Variants in PARD3B observed in about 807,000 individuals in gnomAD.
The protein encoded by PARD3B is par-3 family cell polarity regulator beta.
PARD3B carries 103 observed loss-of-function variants against 130.2 expected under a neutral mutation model. The ratio of observed to expected loss-of-function variants is 0.79; its 90% CI spans 0.67 to 0.93. The LOEUF is 0.93. Among genes scored for constraint, PARD3B ranks in the 40% least tolerant of loss-of-function variants. The pLI is 0.00. For synonymous variants in PARD3B, 583 were observed against 553.2 expected (o/e 1.05, Z -0.76); for missense variants, 1,609 against 1,499.2 (o/e 1.07, Z -1.21).
At chr2:204,619,507 A>C (rs573146242) in intron 1 of PARD3B, among the ~76,000 whole-genome samples, 1 of 152,340 alleles carries the variant, frequency 6.6e-6, no homozygotes, top group South Asian at 2.1e-4. Context: ...TGACAAAAAT[A>C]AGAGCAAAAG....
chr2:205,384,543 A>C (rs1030679863), intron 18 of PARD3B, among the ~76,000 whole-genome samples: 1 of 152,090 alleles, frequency 6.6e-6, no homozygotes, highest in Non-Finnish European at 1.5e-5. Flanking sequence ...AGTCCACCTA[A>C]AATAATATAC....
Position 205,407,019 on chromosome 2 carries a change from T to C in PARD3B, c.2741+5896T>C, listed in dbSNP as rs1243789942. Among the ~76,000 whole-genome samples the C allele has an allele frequency of 6.6e-6, 1 of 152,188 alleles. No individual in the cohort carries two copies. Among genetic ancestry groups the C allele is most frequent in the Non-Finnish European group, 1.5e-5 (1 of 68,036 alleles). The stretch of plus-strand genomic sequence containing the variant: ...TGTCCTTAGATGATCTCTGGGGTTC[T>C]TTTCAGATATTCCAGTATGAGAAAT... On this transcript the variant is annotated intron_variant, in intron 19 of 22. Transcript: ENST00000406610. The surrounding 1 kb of genome is among the most constrained non-coding windows in gnomAD (Gnocchi z 4.1).
intron 16 of PARD3B, among the ~76,000 whole-genome samples, chr2:205,261,304 T>C (rs758917853): frequency 4.6e-5 from 7 of 151,848 alleles, no homozygotes; most frequent in Non-Finnish European, 1.5e-5. Flanking sequence ...AAATAAACCA[T>C]TGGGTTTAAT....
At chr2:205,570,673 C>T (rs979379308) in intron 22 of PARD3B, among the ~76,000 whole-genome samples, 3 of 152,160 alleles carry the variant, frequency 2.0e-5, no homozygotes, top group Admixed American at 6.5e-5. Flanking sequence ...ATCCTCCTCG[C>T]TCCCACCCAT....
At chr2:205,105,000 A>T (rs1703100326) in intron 5 of PARD3B, among the ~76,000 whole-genome samples, 1 of 152,174 alleles carries the variant, frequency 6.6e-6, no homozygotes, top group Admixed American at 6.5e-5. Flanking sequence ...CATGTTCTTA[A>T]TGAAGGCAAC....
chr2:205,204,836 G>A (rs1209552027), intron 15 of PARD3B, among the ~76,000 whole-genome samples: 1 of 152,116 alleles, frequency 6.6e-6, no homozygotes, highest in African/African-American at 2.4e-5. Flanking sequence ...GTACCATGCT[G>A]TTTTTGTTAC....
At chr2:205,594,521 G>C (rs2054501045) in intron 22 of PARD3B, among the ~76,000 whole-genome samples, 1 of 152,132 alleles carries the variant, frequency 6.6e-6, no homozygotes, top group Admixed American at 6.5e-5. Context: ...AATAGCTATA[G>C]GGGCACATGG....
intron 3 of PARD3B, among the ~76,000 whole-genome samples, chr2:205,047,090 G>C (rs1440093913): frequency 6.6e-6 from 1 of 152,098 alleles, no homozygotes; most frequent in African/African-American, 2.4e-5. Context: ...ACTTAAATAG[G>C]CATTAATGTT....
intron 2 of PARD3B, among the ~76,000 whole-genome samples, chr2:204,952,187 AAAT>A (rs1689831241): frequency 6.6e-6 from 1 of 152,216 alleles, no homozygotes; most frequent in Non-Finnish European, 1.5e-5. Context: ...AATTTTCAGA[AAAT>A]AATGATAGAC....
chr2:204,829,136 A>T (rs948131415), intron 2 of PARD3B, among the ~76,000 whole-genome samples: 7 of 152,230 alleles, frequency 4.6e-5, no homozygotes, highest in African/African-American at 1.7e-4. Context: ...GTGAATATGT[A>T]CTTATATTGA....
chr2:205,298,318 C>T (rs1313076246), intron 16 of PARD3B, among the ~76,000 whole-genome samples: 1 of 152,120 alleles, frequency 6.6e-6, no homozygotes, highest in African/African-American at 2.4e-5. Context: ...TACACCCAAA[C>T]CTCTGTGATG....
At chr2:204,752,489 G>A (rs2040503379) in intron 2 of PARD3B, among the ~76,000 whole-genome samples, 1 of 152,014 alleles carries the variant, frequency 6.6e-6, no homozygotes, top group African/African-American at 2.4e-5. Context: ...TTATAAACTC[G>A]AATGTTGCCC....
At position 205,607,831 on chromosome 2, in the gene PARD3B, T is replaced by TACACCCATAC. The variant is rs1553560828; in HGVS notation, c.3261-7621_3261-7620insCCATACACAC. Among the ~76,000 whole-genome samples, 342 of 116,214 alleles carry TACACCCATAC rather than the reference T, an allele frequency of 2.9e-3. 2 individuals are homozygous for TACACCCATAC. The highest frequency in any genetic ancestry group is 0.013 in the African/African-American group (310 of 24,554). The allele number at this position is 116,214 out of a possible 152,430, so 76.2% of individuals were successfully genotyped here. On this transcript the variant is annotated intron_variant, in intron 22 of 22. Coordinates refer to ENST00000406610, the MANE Select transcript of PARD3B (RefSeq NM_001302769.2). ...TGGAGGCCCTCTCCCCCAACACCCA[T>TACACCCATAC]ACACACACACACACACACACACACA...
At chr2:204,584,290 C>T (rs2032723092) in intron 1 of PARD3B, among the ~76,000 whole-genome samples, 1 of 152,116 alleles carries the variant, frequency 6.6e-6, no homozygotes, top group Non-Finnish European at 1.5e-5. Context: ...AGTCTAGCTA[C>T]TGGGAATTTT....
Position 205,158,157 on chromosome 2 carries a change from G to A in PARD3B, c.1435-565G>A, listed in dbSNP as rs1163544396. On this transcript the variant is annotated intron_variant, in intron 10 of 22. Coordinates refer to ENST00000406610, the MANE Select transcript of PARD3B (RefSeq NM_001302769.2). This position sits in a 1 kb window ranked among gnomAD's most constrained non-coding sequence, Gnocchi z 5.4. ...CATTTGATGATATCCATTATAAATC[G>A]TTTTTCTCTAACTTTAAAGTAACAT... Among the ~76,000 whole-genome samples, 6 of 152,054 alleles carry A rather than the reference G, an allele frequency of 3.9e-5. No individual in the cohort carries two copies. The highest frequency in any genetic ancestry group is 3.9e-4 in the East Asian group (2 of 5,188).
At chr2:204,863,077 T>G (rs6435256) in intron 2 of PARD3B, among the ~76,000 whole-genome samples, 43,151 of 151,992 alleles carry the variant, frequency 0.28, 11,170 homozygotes, top group African/African-American at 0.69. Context: ...CAGCAGTCTG[T>G]TTTTTCAGCC....
rs144291582 is a variant in PARD3B, at chr2:205,264,481, T to C, written c.2185+18659T>C. 1.3e-3 allele frequency among the ~76,000 whole-genome samples: 203 copies of C among 151,308 alleles called. 10 individuals carry two copies. The highest frequency in any genetic ancestry group is 4.4e-3 in the African/African-American group (183 of 41,312). On this transcript the variant is annotated intron_variant, in intron 16 of 22. Transcript: ENST00000406610. ...TTTCTAGCAGTTACAAATTGGATAC[T>C]AAGTTAAATTGACTTATATATTTAT...
chr2:205,089,267 T>G, intron 4 of PARD3B, among the ~76,000 whole-genome samples: 1 of 150,378 alleles, frequency 6.6e-6, no homozygotes, highest in African/African-American at 2.5e-5. Context: ...GCCTCCAGAG[T>G]TCAAGCGATT....
At position 204,781,307 on chromosome 2, in the gene PARD3B, A is replaced by T. The variant is rs564340742; in HGVS notation, c.222+95025A>T. Among the ~76,000 whole-genome samples the T allele has an allele frequency of 2.0e-5, 3 of 152,178 alleles. No homozygotes were observed. The South Asian group carries it at 6.2e-4, about 31-fold the overall frequency. ...ACTTTCATGTACATTTACAGATAAT[A>T]TAAGCAAAGTATCATAATATTGGCA... On this transcript the variant is annotated intron_variant, in intron 2 of 22. Coordinates refer to ENST00000406610, the MANE Select transcript of PARD3B (RefSeq NM_001302769.2).
Sources: gnomAD v4.1 joint callset for allele counts (sites outside exome capture counted in the v4.1 genomes callset) on GRCh38, gnomAD v4.1.1 for gene constraint, Gnocchi (gnomAD v3.1) non-coding constraint, MANE v1.5 for transcripts, NCBI Gene and HGNC (gene_info 2026-07-23, HGNC 2026-07-21) for gene names.